Variants in ZFYVE1 observed in about 807,000 individuals in gnomAD.
ZFYVE1 encodes zinc finger FYVE domain-containing protein 1.
A neutral mutation model predicts 74.4 loss-of-function variants in ZFYVE1; 30 were observed. The observed-to-expected ratio is 0.40, with a 90% CI of 0.30 to 0.55. The LOEUF is 0.55. Ranked by LOEUF, ZFYVE1 falls within the 20% of genes least tolerant of loss-of-function variation. The pLI is 0.42. For missense variants in ZFYVE1, 703 were observed against 1,011.6 expected, an observed-to-expected ratio of 0.69 and a Z score of 4.14; for synonymous variants, 335 against 385.1, an observed-to-expected ratio of 0.87 and a Z score of 1.52.
At chr14:72,994,376 G>T (rs1893696690) in intron 3 of ZFYVE1, among the ~76,000 whole-genome samples, 1 of 140,014 alleles carries the variant, frequency 7.1e-6, no homozygotes, top group Non-Finnish European at 1.5e-5. Flanking sequence ...CAATGTACAT[G>T]AAGTACATAA....
intron 10 of ZFYVE1, 96 bp downstream of exon 10, chr14:72,974,683 T>C: frequency 1.4e-6 from 2 of 1,442,264 alleles, no homozygotes; most frequent in Admixed American, 4.5e-5. Flanking sequence ...ACAAGGGAGA[T>C]GTGGATTAGG....
intron 2 of ZFYVE1, among the ~76,000 whole-genome samples, chr14:73,011,306 C>A (rs1162969553): frequency 6.6e-6 from 1 of 151,632 alleles, no homozygotes; most frequent in Non-Finnish European, 1.5e-5. Context: ...GGCAACATGA[C>A]AAAACCCCAT....
At chr14:73,014,030 C>T (rs1894143156) in intron 2 of ZFYVE1, among the ~76,000 whole-genome samples, 1 of 152,142 alleles carries the variant, frequency 6.6e-6, no homozygotes, top group African/African-American at 2.4e-5. Context: ...TTATGTTAAT[C>T]CTGGCTCAAA....
At chr14:72,980,061 T>C (rs1183195258) in intron 5 of ZFYVE1, among the ~76,000 whole-genome samples, 1 of 152,168 alleles carries the variant, frequency 6.6e-6, no homozygotes, top group Non-Finnish European at 1.5e-5. Context: ...GCTGGGCTCA[T>C]GGGGCATGCA....
intron 3 of ZFYVE1, 44 bp from the exon 4 acceptor site, chr14:72,993,401 T>TAAAAA: frequency 8.2e-7 from 1 of 1,226,314 alleles, no homozygotes; most frequent in South Asian, 1.6e-5. Context: ...GAGTGACATT[T>TAAAAA]AAAAAAAAAA....
At chr14:72,984,230 A>G (rs1893419216) in intron 4 of ZFYVE1, among the ~76,000 whole-genome samples, 1 of 152,096 alleles carries the variant, frequency 6.6e-6, no homozygotes, top group Admixed American at 6.6e-5. Flanking sequence ...GGGTACTTTG[A>G]TAAAGAGTTA....
At chr14:73,013,436 C>T (rs1333459234) in intron 2 of ZFYVE1, among the ~76,000 whole-genome samples, 1 of 152,014 alleles carries the variant, frequency 6.6e-6, no homozygotes, top group African/African-American at 2.4e-5. Context: ...GATGAAACCC[C>T]GTCTCCACTA....
Position 72,975,021 on chromosome 14 carries a change from A to C in ZFYVE1, c.1807-62T>G. The C allele has an allele frequency of 6.6e-7, 1 of 1,518,936 alleles. No individual in the cohort carries two copies. Among genetic ancestry groups the C allele is most frequent in the Non-Finnish European group, 8.9e-7 (1 of 1,124,980 alleles). The allele number at this position is 1,518,936 out of a possible 1,614,324, so 94.1% of individuals were successfully genotyped here. A position where few individuals can be genotyped will look rare whatever the true frequency, so the allele number is the denominator to read the frequency against. On this transcript the variant is annotated intron_variant, in intron 9 of 11. Coordinates refer to ENST00000556143, the MANE Select transcript of ZFYVE1 (RefSeq NM_021260.4). The surrounding 1 kb of genome is among the most constrained non-coding windows in gnomAD (Gnocchi z 4.1). The stretch of plus-strand genomic sequence containing the variant: ...GGTATGGTACATGTCTGCTCAGCTG[A>C]GAAAGTCAACAAGACCCCGGAGCAA...
chr14:73,011,934 G>A (rs1894100129), intron 2 of ZFYVE1, among the ~76,000 whole-genome samples: 1 of 151,456 alleles, frequency 6.6e-6, no homozygotes, highest in Non-Finnish European at 1.5e-5. Context: ...AGAATGATAT[G>A]GCCCAGTGTG....
chr14:72,979,052 C>T, intron 5 of ZFYVE1, 83 bp from the exon 6 acceptor site: 1 of 1,208,918 alleles, frequency 8.3e-7, no homozygotes, highest in South Asian at 1.2e-5. Context: ...CTGAGCCAGG[C>T]ACAAGGCCAC....
chr14:72,981,729 C>T, intron 5 of ZFYVE1, 60 bp downstream of exon 5: 5 of 1,502,858 alleles, frequency 3.3e-6, no homozygotes, highest in Non-Finnish European at 4.6e-6. Flanking sequence ...CTAGGAAGCA[C>T]CACTCAAAGG....
intron 2 of ZFYVE1, among the ~76,000 whole-genome samples, chr14:73,003,682 C>A (rs1893921323): frequency 6.6e-6 from 1 of 151,994 alleles, no homozygotes; most frequent in Non-Finnish European, 1.5e-5. Flanking sequence ...TGCACTCCAG[C>A]CTGGGCAACA....
chr14:72,988,637 T>C (rs1368267057), intron 4 of ZFYVE1, among the ~76,000 whole-genome samples: 5 of 151,508 alleles, frequency 3.3e-5, no homozygotes, highest in African/African-American at 1.2e-4. Flanking sequence ...TGAAACCCCG[T>C]CTCTACTAAA....
At position 73,026,992 on chromosome 14, in the gene ZFYVE1, T is replaced by G; in HGVS notation, c.-501A>C. 2.5e-6 allele frequency: 1 copy of G among 398,784 alleles called. No individual in the cohort carries two copies. Among genetic ancestry groups the G allele is most frequent in the Non-Finnish European group, 4.4e-6 (1 of 226,256 alleles). 24.7% of individuals were successfully genotyped at this position (398,784 alleles called of 1,614,324 possible). A position where few individuals can be genotyped will look rare whatever the true frequency, so the allele number is the denominator to read the frequency against. On this transcript the variant is annotated 5_prime_UTR_variant, in exon 1 of 12. Coordinates refer to ENST00000556143, the MANE Select transcript of ZFYVE1 (RefSeq NM_021260.4). ...GCAGGGCGCCAGTGGGGGCAGAGGC[T>G]ATTCCTCAGGACACCGGCAGATCCA... is the stretch of plus-strand genomic sequence containing the variant.
At chr14:73,009,228 T>C (rs1274365150) in intron 2 of ZFYVE1, among the ~76,000 whole-genome samples, 3 of 152,228 alleles carry the variant, frequency 2.0e-5, no homozygotes, top group Non-Finnish European at 4.4e-5. Flanking sequence ...GATAACTTTA[T>C]TCAACCCCTC....
chr14:73,023,485 ATCTGGAAAGAATATTG>A lies in ZFYVE1; in HGVS notation c.483+525_483+540del, dbSNP rs1894389751. On this transcript the variant is annotated intron_variant, in intron 2 of 11. Coordinates refer to ENST00000556143, the MANE Select transcript of ZFYVE1 (RefSeq NM_021260.4). ...TATATAATATATATATGAAGAGACC[ATCTGGAAAGAATATTG>A]TCCTTATTAAAAGCCACTTTTTAAA... 3.4e-5 allele frequency among the ~76,000 whole-genome samples: 5 copies of A among 145,462 alleles called. No homozygotes were observed. The South Asian group carries it at 1.1e-3, about 31-fold the overall frequency.
chr14:72,998,461 C>A, intron 2 of ZFYVE1, 146 bp from the exon 3 acceptor site: 1 of 708,396 alleles, frequency 1.4e-6, no homozygotes, highest in Non-Finnish European at 2.1e-6. Flanking sequence ...CCCACCTCCA[C>A]CCTTAGCAAA....
Position 72,997,836 on chromosome 14 carries a change from G to C in ZFYVE1, c.963C>G (p.Thr321=). 6.3e-7 allele frequency: 1 copy of C among 1,599,022 alleles called. No individual in the cohort carries two copies. The highest frequency in any genetic ancestry group is 8.6e-7 in the Non-Finnish European group (1 of 1,168,022). ...CAGAGCCCAGTAGCTGGGTGTGCAC[G>C]GTCTCATGGAAGATGATAACTGCAG... ...LGPAVIIFHE[T]VHTQLLGSDH... The change falls in exon 3 of 12, where the codon ACC becomes ACG. Residue 321 remains threonine (T), a synonymous_variant. Coordinates refer to ENST00000556143, the MANE Select transcript of ZFYVE1 (RefSeq NM_021260.4).
In ZFYVE1 at chr14:72,971,062, G is replaced by A; in HGVS notation, c.2154C>T (p.Ile718=). 1 of 1,614,172 alleles carries A rather than the reference G, an allele frequency of 6.2e-7. No homozygotes were observed. Among genetic ancestry groups the A allele is most frequent in the Non-Finnish European group, 8.5e-7 (1 of 1,180,038 alleles). ...RPAYWVPDHE[I]LHCHNCRKEF... is the part of the protein sequence containing the mutation. Reference sequence around the variant, plus strand: ...CCTTCCGGCAGTTGTGGCAGTGGAGGATTTCGTGGTCAGGCACCCAGTACG... The same window carrying A: ...CCTTCCGGCAGTTGTGGCAGTGGAGAATTTCGTGGTCAGGCACCCAGTACG... The change falls in exon 12 of 12, where the codon ATC becomes ATT. Residue 718 remains isoleucine, a synonymous_variant. Transcript: ENST00000556143.
Sources: allele counts gnomAD v4.1 joint callset (sites outside exome capture counted in the v4.1 genomes callset), GRCh38; gene constraint gnomAD v4.1.1; non-coding constraint Gnocchi (gnomAD v3.1); transcripts MANE v1.5; gene names NCBI Gene and HGNC (gene_info 2026-07-23, HGNC 2026-07-21).